Variants in NF2 observed in about 807,000 individuals in gnomAD.
NF2 encodes the protein NF2, moesin-ezrin-radixin like (MERLIN) tumor suppressor.
Under a neutral mutation model 83.7 loss-of-function variants are expected in NF2, and 8 were observed. The observed-to-expected ratio is 0.10, with a 90% confidence interval of 0.06 to 0.17. The LOEUF (loss-of-function observed/expected upper bound fraction) is 0.17. Ranked by LOEUF, NF2 falls within the 10% of genes least tolerant of loss-of-function variation. The pLI, the probability that NF2 is intolerant of heterozygous loss-of-function variation, is 1.00. For synonymous variants in NF2, 266 were observed against 269.6 expected, an observed-to-expected ratio of 0.99 and a Z score of 0.13; for missense variants, 533 against 744.4, an observed-to-expected ratio of 0.72 and a Z score of 3.31.
At chr22:29,657,630 TTTTCTGCAAGTTA>T (rs1328021842) in intron 6 of NF2, among the ~76,000 whole-genome samples, 1 of 151,952 alleles carries the variant, frequency 6.6e-6, no homozygotes, top group Non-Finnish European at 1.5e-5. Context: ...TGTTTGGGAG[TTTTCTGCAAGTTA>T]TTGCTACTTC....
At chr22:29,605,652 A>G (rs1283442453) in intron 1 of NF2, among the ~76,000 whole-genome samples, 2 of 152,136 alleles carry the variant, frequency 1.3e-5, no homozygotes, top group Non-Finnish European at 2.9e-5. Flanking sequence ...CCCTCCGGCA[A>G]TGGTCCTGAG....
At chr22:29,605,336 T>TC (rs1401069267) in intron 1 of NF2, among the ~76,000 whole-genome samples, 3 of 152,040 alleles carry the variant, frequency 2.0e-5, no homozygotes, top group African/African-American at 4.8e-5. Flanking sequence ...GGCTAATTTT[T>TC]CTATTTTTAG....
Position 29,604,042 on chromosome 22 carries a change from A to G in NF2, c.44A>G (p.Lys15Arg). 6.2e-7 allele frequency: 1 copy of G among 1,605,074 alleles called. No individual in the cohort carries two copies. The highest frequency in any genetic ancestry group is 1.1e-5 in the South Asian group (1 of 89,420). The change falls in exon 1 of 16, where the codon AAG (lysine) becomes AGG (arginine). Residue 15 changes from lysine (K) to arginine (R), a missense_variant. Transcript: ENST00000338641. ...IASRMSFSSL[K>R]RKQPKTFTVR... ...TCCCGCATGAGCTTCAGCTCTCTCA[A>G]GAGGAAGCAACCCAAGACGTTCACC...
At chr22:29,641,318 C>G (rs972015224) in intron 3 of NF2, among the ~76,000 whole-genome samples, 1 of 152,144 alleles carries the variant, frequency 6.6e-6, no homozygotes, top group Non-Finnish European at 1.5e-5. Context: ...ACGTAAACAC[C>G]TAACAATCTC....
chr22:29,664,892 G>T (rs890745938), intron 8 of NF2, 98 bp from the exon 9 acceptor site: 1 of 842,268 alleles, frequency 1.2e-6, no homozygotes, highest in East Asian at 2.6e-5. Context: ...ACTTCATGCT[G>T]GTCTGTGGCC....
Position 29,661,629 on chromosome 22 carries a change from G to A in NF2, c.810+290G>A, listed in dbSNP as rs547099174. Among the ~76,000 whole-genome samples, 10 of 152,302 alleles carry A rather than the reference G, an allele frequency of 6.6e-5. No individual in the cohort carries two copies. The South Asian group carries it at 1.2e-3, about 19-fold the overall frequency. On this transcript the variant is annotated intron_variant, in intron 8 of 15. Transcript: ENST00000338641. ...TATTACTTGGCTTTCTATTTTTGTC[G>A]ATACATTCTCTTTGTATGTTTTCTT...
intron 4 of NF2, among the ~76,000 whole-genome samples, chr22:29,643,979 C>G (rs552917056): frequency 7.7e-6 from 1 of 130,296 alleles, no homozygotes; most frequent in African/African-American, 2.9e-5. Context: ...CTGACCCCCC[C>G]ACCTCCCTCC....
intron 4 of NF2, among the ~76,000 whole-genome samples, chr22:29,651,203 CAGAGCATTTTATCTCATTTCTCAT>C (rs1484883772): frequency 6.6e-6 from 1 of 152,100 alleles, no homozygotes; most frequent in Admixed American, 6.5e-5. Flanking sequence ...AAATCCTACT[CAGAGCATTTTATCTCATTTCTCAT>C]AGTTATAGAC....
At chr22:29,647,578 A>T (rs551111937) in intron 4 of NF2, among the ~76,000 whole-genome samples, 4 of 152,314 alleles carry the variant, frequency 2.6e-5, no homozygotes, top group Non-Finnish European at 1.5e-5. Context: ...TTCACACTTC[A>T]GGTGGTTGGT....
rs1369832471 is a variant in NF2 at position 29,660,609 on chromosome 22, G to A, written c.676-596G>A. Among the ~76,000 whole-genome samples the A allele has an allele frequency of 2.0e-5, 3 of 152,150 alleles. 1 individual carries two copies. Among genetic ancestry groups the A allele is most frequent in the Admixed American group, 2.0e-4 (3 of 15,280 alleles). On this transcript the variant is annotated intron_variant, in intron 7 of 15. Transcript: ENST00000338641. The stretch of plus-strand genomic sequence containing the variant: ...TTTTTTAACGAAGTCTCTCTTTGTC[G>A]ACCAGGCTGGAGTGCCGGGGCACCA...
chr22:29,633,539 C>T lies in NF2; in HGVS notation c.115-3212C>T, dbSNP rs149431559. ...GATCCAGGGCTTCTTTTGTTCAACT[C>T]ATACTCCACCCTGTTGTCAGAGCCC... On this transcript the variant is annotated intron_variant, in intron 1 of 15. Transcript: ENST00000338641. Among the ~76,000 whole-genome samples the T allele has an allele frequency of 2.0e-5, 3 of 152,254 alleles. No individual in the cohort carries two copies. The East Asian group carries it at 5.8e-4, about 29-fold the overall frequency.
At chr22:29,621,772 C>T (rs557738667) in intron 1 of NF2, among the ~76,000 whole-genome samples, 1 of 152,342 alleles carries the variant, frequency 6.6e-6, no homozygotes, top group African/African-American at 2.4e-5. Context: ...CTTCCTCACG[C>T]ACCCTCTTGC....
intron 15 of NF2, among the ~76,000 whole-genome samples, chr22:29,693,813 G>A (rs1411190066): frequency 6.6e-6 from 1 of 152,156 alleles, no homozygotes; most frequent in East Asian, 1.9e-4. Context: ...ATATGAAGAT[G>A]AATGGTACAG....
rs763826793 is a variant in NF2 at position 29,673,416 on chromosome 22, C to T, written c.1270C>T (p.Arg424Cys). 12 of 1,612,468 alleles carry T rather than the reference C, an allele frequency of 7.4e-6. No individual in the cohort carries two copies. Among genetic ancestry groups the T allele is most frequent in the Middle Eastern group, 1.6e-4 (1 of 6,072 alleles). The part of the protein sequence containing the change: ...ATAIRTEEEK[R>C]LMEQKVLEAE... Reference sequence around the variant, plus strand: ...AGCGATTCGCACGGAGGAGGAGAAGCGCCTGATGGAGCAGAAGGTGCTGGA... The same window carrying T: ...AGCGATTCGCACGGAGGAGGAGAAGTGCCTGATGGAGCAGAAGGTGCTGGA... The change falls in exon 12 of 16, where the codon CGC becomes TGC. Residue 424 changes from arginine (R) to cysteine (C), a missense_variant. Coordinates refer to ENST00000338641, the MANE Select transcript of NF2 (RefSeq NM_000268.4).
rs541636141 is a variant in NF2 at position 29,636,830 on chromosome 22, A to G, written c.194A>G (p.Gln65Arg). Reference sequence around the variant, plus strand: ...CGAGAAACCTGGTTCTTTGGACTGCAGTACACAATCAAGGACACAGTGGCC... The same window carrying G: ...CGAGAAACCTGGTTCTTTGGACTGCGGTACACAATCAAGGACACAGTGGCC... ...GLRETWFFGL[Q>R]YTIKDTVAWL... The change falls in exon 2 of 16, where the codon CAG (glutamine) becomes CGG (arginine). Residue 65 changes from glutamine (Q) to arginine (R), a missense_variant. Transcript: ENST00000338641. This position sits in a 1 kb window ranked among gnomAD's most constrained non-coding sequence, Gnocchi z 4.4. 4.3e-6 allele frequency: 7 copies of G among 1,614,194 alleles called. No homozygotes were observed. The South Asian group carries it at 6.6e-5, about 15-fold the overall frequency.
intron 7 of NF2, among the ~76,000 whole-genome samples, chr22:29,659,656 G>A (rs547762423): frequency 1.1e-3 from 165 of 152,272 alleles, no homozygotes; most frequent in Non-Finnish European, 2.1e-3. Context: ...GGCTGCTTGA[G>A]TCCTCACCTC....
chr22:29,676,770 T>C (rs737787), intron 13 of NF2, among the ~76,000 whole-genome samples: 23,252 of 152,192 alleles, frequency 0.15, 1,820 homozygotes, highest in Non-Finnish European at 0.18. Context: ...TGGGGTCAAA[T>C]TTTCGATTTT....
chr22:29,665,827 T>C (rs1361556483), intron 9 of NF2, among the ~76,000 whole-genome samples: 2 of 151,972 alleles, frequency 1.3e-5, no homozygotes, highest in Non-Finnish European at 2.9e-5. Context: ...AGACCCTTCA[T>C]GTTAACACCC....
chr22:29,650,486 AT>A (rs2066114605), intron 4 of NF2, among the ~76,000 whole-genome samples: 1 of 152,106 alleles, frequency 6.6e-6, no homozygotes, highest in Non-Finnish European at 1.5e-5. Flanking sequence ...TCAACCGTTT[AT>A]GACTTGCCTA....
Sources: allele counts gnomAD v4.1 joint callset (sites outside exome capture counted in the v4.1 genomes callset), GRCh38; gene constraint gnomAD v4.1.1; non-coding constraint Gnocchi (gnomAD v3.1); transcripts MANE v1.5; gene names NCBI Gene and HGNC (gene_info 2026-07-23, HGNC 2026-07-21).